The following THSD7B variants were observed in gnomAD, a reference collection of about 807,000 sequenced individuals.
THSD7B encodes the protein thrombospondin type-1 domain-containing protein 7B.
Under a neutral mutation model 213.6 loss-of-function variants are expected in THSD7B, and 138 were observed. The observed-to-expected ratio is 0.65, with a 90% CI of 0.56 to 0.74. The LOEUF is 0.74. Among genes scored for constraint, THSD7B ranks in the 30% least tolerant of loss-of-function variants. The pLI, the probability that THSD7B is intolerant of heterozygous loss-of-function variation, is 0.00. For synonymous variants in THSD7B, 742 were observed against 687.0 expected (o/e 1.08, Z -1.25); for missense variants, 1,931 against 1,991.5 (o/e 0.97, Z 0.58).
intron 7 of THSD7B, among the ~76,000 whole-genome samples, chr2:137,190,741 G>A (rs1269754676): frequency 1.3e-5 from 2 of 152,174 alleles, no homozygotes; most frequent in African/African-American, 4.8e-5. Context: ...ATGATTTACA[G>A]TTCACAATGT....
intron 1 of THSD7B, among the ~76,000 whole-genome samples, chr2:136,799,681 T>C (rs1165911219): frequency 6.6e-6 from 1 of 151,996 alleles, no homozygotes; most frequent in Non-Finnish European, 1.5e-5. Flanking sequence ...CACATTTTTT[T>C]TTATCACTGT....
chr2:136,915,434 A>G (rs979397500), intron 2 of THSD7B, among the ~76,000 whole-genome samples: 1 of 152,138 alleles, frequency 6.6e-6, no homozygotes, highest in African/African-American at 2.4e-5. Flanking sequence ...AGTTTTTAGG[A>G]ACTTTATTAG....
chr2:137,485,789 C>G (rs563677683), intron 15 of THSD7B, among the ~76,000 whole-genome samples: 2 of 152,094 alleles, frequency 1.3e-5, no homozygotes, highest in Non-Finnish European at 2.9e-5. Context: ...AGACTAACAG[C>G]GGATCTCTCA....
intron 1 of THSD7B, among the ~76,000 whole-genome samples, chr2:136,847,737 A>G (rs1683034357): frequency 6.6e-6 from 1 of 152,138 alleles, no homozygotes; most frequent in Non-Finnish European, 1.5e-5. Context: ...CTTCAAAAGC[A>G]GGTCAAAAAG....
chr2:136,949,981 G>A (rs1172284247), intron 2 of THSD7B, among the ~76,000 whole-genome samples: 12 of 152,092 alleles, frequency 7.9e-5, no homozygotes, highest in African/African-American at 1.2e-4. Flanking sequence ...TGTGGCGGCC[G>A]GGCGCAACAC....
At chr2:137,668,754 A>ATTCT (rs1683500612) in intron 27 of THSD7B, among the ~76,000 whole-genome samples, 1 of 152,230 alleles carries the variant, frequency 6.6e-6, no homozygotes, top group Non-Finnish European at 1.5e-5. Flanking sequence ...TATATAGTAT[A>ATTCT]TTCTTACTAT....
chr2:137,602,716 C>T (rs969691454), intron 17 of THSD7B, among the ~76,000 whole-genome samples: 1 of 152,094 alleles, frequency 6.6e-6, no homozygotes, highest in African/African-American at 2.4e-5. Flanking sequence ...TTAAGGAACC[C>T]ACTCTTGGGA....
At chr2:137,008,924 C>T (rs1054156350) in intron 2 of THSD7B, among the ~76,000 whole-genome samples, 20 of 152,078 alleles carry the variant, frequency 1.3e-4, no homozygotes, top group African/African-American at 2.4e-4. Context: ...TCAGCTTGGT[C>T]GGTTCTATAA....
intron 1 of THSD7B, among the ~76,000 whole-genome samples, chr2:136,818,229 G>A (rs1682509222): frequency 6.8e-6 from 1 of 148,122 alleles, no homozygotes; most frequent in African/African-American, 2.5e-5. Flanking sequence ...AAAAAATGAT[G>A]AGTTCATGTC....
chr2:136,933,151 C>CCTTCCTT (rs1402799846), intron 2 of THSD7B, among the ~76,000 whole-genome samples: 1 of 87,958 alleles, frequency 1.1e-5, no homozygotes, highest in African/African-American at 3.1e-5. Flanking sequence ...TTCCTTCCTT[C>CCTTCCTT]CTTCCTTCCT....
intron 12 of THSD7B, among the ~76,000 whole-genome samples, chr2:137,358,044 C>G (rs1685172581): frequency 6.6e-6 from 1 of 152,126 alleles, no homozygotes; most frequent in African/African-American, 2.4e-5. Flanking sequence ...TGGTGATTTT[C>G]TTTTCTCTTT....
intron 1 of THSD7B, among the ~76,000 whole-genome samples, chr2:136,857,693 T>C (rs1683197217): frequency 6.6e-6 from 1 of 152,208 alleles, no homozygotes; most frequent in African/African-American, 2.4e-5. Context: ...CAGAATTATG[T>C]GTATCTGAAG....
In THSD7B at chr2:137,490,790, T is replaced by C. The variant is rs557224548; in HGVS notation, c.3138+39767T>C. Among the ~76,000 whole-genome samples, 335 of 152,332 alleles carry C rather than the reference T, an allele frequency of 2.2e-3. 2 individuals carry two copies. Among genetic ancestry groups the C allele is most frequent in the Non-Finnish European group, 3.7e-3 (254 of 68,026 alleles). The stretch of plus-strand genomic sequence containing the variant: ...CTGAGGGTCCCAGGGATAATGGACA[T>C]AGTCTAGAAAGTCCATAAGTTGTCC... On this transcript the variant is annotated intron_variant, in intron 15 of 27. Coordinates refer to ENST00000409968, the MANE Select transcript of THSD7B (RefSeq NM_001316349.2).
chr2:137,390,532 C>T (rs555136037), intron 12 of THSD7B, among the ~76,000 whole-genome samples: 33 of 152,176 alleles, frequency 2.2e-4, no homozygotes, highest in African/African-American at 7.9e-4. Flanking sequence ...ATTTTTTTCT[C>T]CTGCCTGATT....
At chr2:137,640,567 C>A (rs1354131542) in intron 20 of THSD7B, among the ~76,000 whole-genome samples, 2 of 152,144 alleles carry the variant, frequency 1.3e-5, no homozygotes, top group Non-Finnish European at 2.9e-5. Flanking sequence ...TGTTCTGCAA[C>A]CTACTTTGTT....
intron 15 of THSD7B, among the ~76,000 whole-genome samples, chr2:137,488,990 G>A (rs771891682): frequency 2.0e-5 from 3 of 152,106 alleles, no homozygotes; most frequent in Admixed American, 6.5e-5. Context: ...TTTCATCTGT[G>A]CCAACATAAT....
At chr2:137,334,586 G>A (rs1306436692) in intron 12 of THSD7B, among the ~76,000 whole-genome samples, 2 of 152,032 alleles carry the variant, frequency 1.3e-5, no homozygotes, top group African/African-American at 4.8e-5. Flanking sequence ...CTACTCTCCT[G>A]TAACATCTGC....
chr2:137,056,892 C>G lies in THSD7B; in HGVS notation c.612C>G (p.Arg204=). The change falls in exon 3 of 28, where the codon CGC becomes CGG. Residue 204 remains arginine (R), a synonymous_variant. Coordinates refer to ENST00000409968, the MANE Select transcript of THSD7B (RefSeq NM_001316349.2). ...GCGKKLQHRT[R]AVIAPPLFGG... ...GGAAGAAATTGCAGCATAGAACTCG[C>G]GCGGTCATAGCTCCCCCTCTCTTTG... 1.2e-6 allele frequency: 2 copies of G among 1,613,728 alleles called. No individual in the cohort carries two copies. Among genetic ancestry groups the G allele is most frequent in the East Asian group, 4.5e-5 (2 of 44,876 alleles).
chr2:137,594,337 T>C (rs1195687136), intron 17 of THSD7B, among the ~76,000 whole-genome samples: 1 of 151,976 alleles, frequency 6.6e-6, no homozygotes, highest in Admixed American at 6.6e-5. Flanking sequence ...GGACAATTAT[T>C]TGAGAGTCTC....
Sources: gnomAD v4.1 joint callset for allele counts (sites outside exome capture counted in the v4.1 genomes callset) on GRCh38, gnomAD v4.1.1 for gene constraint, MANE v1.5 for transcripts, NCBI Gene and HGNC (gene_info 2026-07-23, HGNC 2026-07-21) for gene names.